Variants in MYO6 observed in about 807,000 individuals in gnomAD.
The protein encoded by MYO6 is myosin VI, also known as unconventional myosin-VI.
Under a neutral mutation model 178.7 loss-of-function variants are expected in MYO6, and 74 were observed. The ratio of observed to expected loss-of-function variants is 0.41; its 90% CI spans 0.34 to 0.50. The LOEUF is 0.50. MYO6 is among the 20% of genes least tolerant of loss of function. MYO6 has a pLI of 0.09. For synonymous variants in MYO6, 477 were observed against 504.6 expected, an observed-to-expected ratio of 0.95 and a Z score of 0.73; for missense variants, 1,330 against 1,547.4, an observed-to-expected ratio of 0.86 and a Z score of 2.36.
At chr6:75,831,327 C>T (rs770650071) in intron 5 of MYO6, among the ~76,000 whole-genome samples, 49 of 152,166 alleles carry the variant, frequency 3.2e-4, no homozygotes, top group Non-Finnish European at 6.2e-4. Context: ...AACCAGAGTT[C>T]ACTTCCAGAT....
At position 75,917,466 on chromosome 6, in the gene MYO6, A is replaced by G. The variant is rs1421188153; in HGVS notation, c.*2454A>G. On this transcript the variant is annotated 3_prime_UTR_variant, in exon 35 of 35. Transcript: ENST00000369977. ...ATATGTATTATGAGTTATGGGAACT[A>G]ATTGAGAAAAGGAAGTTACTCTAAT... 6.6e-6 allele frequency: 1 copy of G among 152,464 alleles called. No homozygotes were observed. Among genetic ancestry groups the G allele is most frequent in the Non-Finnish European group, 1.5e-5 (1 of 68,034 alleles). 9.4% of individuals were successfully genotyped at this position (152,464 alleles called of 1,614,324 possible).
rs73751031 is a variant in MYO6 at position 75,846,677 on chromosome 6, C to T, written c.898-1674C>T. On this transcript the variant is annotated intron_variant, in intron 10 of 34. Coordinates refer to ENST00000369977, the MANE Select transcript of MYO6 (RefSeq NM_004999.4). ...GATATCAAAATATAGTAGCTATATT[C>T]CTTTCACTAAGATAATGGAGACCTT... Among the ~76,000 whole-genome samples, 263 of 152,086 alleles carry T rather than the reference C, an allele frequency of 1.7e-3. 1 individual carries two copies. The highest frequency in any genetic ancestry group is 6.0e-3 in the African/African-American group (248 of 41,530).
chr6:75,878,684 T>A (rs1001842860), intron 20 of MYO6, among the ~76,000 whole-genome samples: 1 of 152,224 alleles, frequency 6.6e-6, no homozygotes, highest in African/African-American at 2.4e-5. Context: ...AGGAATTTAT[T>A]TTGGTGTAAG....
chr6:75,810,590 C>T (rs987177375), intron 1 of MYO6, among the ~76,000 whole-genome samples: 5 of 152,152 alleles, frequency 3.3e-5, no homozygotes, highest in African/African-American at 9.7e-5. Flanking sequence ...TCTGGGTTTC[C>T]CCCATCCAAG....
rs375754710 is a variant in MYO6, at chr6:75,848,419, G to T, written c.966G>T (p.Thr322=). The T allele has an allele frequency of 3.1e-6, 5 of 1,613,562 alleles. No homozygotes were observed. Among genetic ancestry groups the T allele is most frequent in the Non-Finnish European group, 4.2e-6 (5 of 1,179,774 alleles). Residue 322 remains threonine, a synonymous_variant, in exon 11 of 35, where the codon ACG becomes ACT. Transcript: ENST00000369977. ...DDHGDFIRMC[T]AMKKIGLDDE... is the part of the protein sequence containing the mutation. ...ATGGTGATTTTATTAGAATGTGCAC[G>T]GCTATGAAAAAAATTGGTTTGGATG...
At chr6:75,819,574 A>C (rs1280918026) in intron 2 of MYO6, among the ~76,000 whole-genome samples, 1 of 152,182 alleles carries the variant, frequency 6.6e-6, no homozygotes, top group Admixed American at 6.5e-5. Flanking sequence ...AGTAAAATAG[A>C]TTTCACATTG....
At position 75,907,606 on chromosome 6, in the gene MYO6, G is replaced by A. The variant is rs1562313932; in HGVS notation, c.3178G>A (p.Gly1060Ser). The A allele has an allele frequency of 2.5e-6, 4 of 1,609,288 alleles. No homozygotes were observed. The highest frequency in any genetic ancestry group is 3.4e-6 in the Non-Finnish European group (4 of 1,176,012). Reference protein sequence around the residue: ...AKEMSEFLSRGPAVLATKAAA... With the variant: ...AKEMSEFLSRSPAVLATKAAA... ...TGCAAAAATGTGTAATAATTACAGA[G>A]GTCCTGCTGTACTAGCCACCAAAGC... is the stretch of plus-strand genomic sequence containing the variant. Residue 1060 changes from glycine (G) to serine (S), a missense_variant and splice_region_variant, in exon 31 of 35, where the codon GGT (glycine) becomes AGT (serine). By Grantham distance (56) the Gly-to-Ser change is moderately conservative. Coordinates refer to ENST00000369977, the MANE Select transcript of MYO6 (RefSeq NM_004999.4).
intron 2 of MYO6, among the ~76,000 whole-genome samples, chr6:75,820,570 C>A (rs540095024): frequency 6.6e-6 from 1 of 152,058 alleles, no homozygotes; most frequent in Admixed American, 6.6e-5. Flanking sequence ...GGGGTTTCAT[C>A]ATGTTGGCCA....
chr6:75,903,757 T>G (rs571380774), intron 30 of MYO6, among the ~76,000 whole-genome samples: 1 of 152,286 alleles, frequency 6.6e-6, no homozygotes, highest in East Asian at 1.9e-4. Context: ...TCTGTGAATT[T>G]GATCCTGTCA....
rs199699596 is a variant in MYO6 at position 75,914,968 on chromosome 6, C to T, written c.3814C>T (p.Arg1272Trp). Reference protein sequence around the residue: ...LQNAIESRQARPTYATAMLQS... With the variant: ...LQNAIESRQAWPTYATAMLQS... ...GAATGCGATTGAGAGCAGACAGGCTCGGCCCACCTATGCAACAGCCATGCT... is the reference window on the plus strand; with the variant it reads ...GAATGCGATTGAGAGCAGACAGGCTTGGCCCACCTATGCAACAGCCATGCT... The change falls in exon 35 of 35, where the codon CGG becomes TGG. Residue 1272 changes from arginine (R) to tryptophan (W), a missense_variant. Arg to Trp is a moderately radical substitution (Grantham distance 101). This residue lies in a region of MYO6 where 601 missense variants were observed against 626.1 expected (regional missense o/e 0.96). Coordinates refer to ENST00000369977, the MANE Select transcript of MYO6 (RefSeq NM_004999.4). The T allele has an allele frequency of 4.6e-5, 74 of 1,613,832 alleles. No individual in the cohort carries two copies. In the East Asian group the frequency reaches 1.1e-3, roughly 24 times the overall value.
At position 75,902,908 on chromosome 6, in the gene MYO6, A is replaced by C. The variant is rs1259388941; in HGVS notation, c.3176+4497A>C. On this transcript the variant is annotated intron_variant, in intron 30 of 34. Coordinates refer to ENST00000369977, the MANE Select transcript of MYO6 (RefSeq NM_004999.4). ...ACACACTGCGTTGAATGCGTCCCAG[A>C]GATTCTGGTATGTTGTGTCTTTGTT... 5.9e-5 allele frequency among the ~76,000 whole-genome samples: 9 copies of C among 151,654 alleles called. No individual in the cohort carries two copies. In the South Asian group the frequency reaches 1.5e-3, roughly 25 times the overall value.
intron 32 of MYO6, among the ~76,000 whole-genome samples, chr6:75,909,940 G>C (rs550786372): frequency 5.3e-5 from 8 of 152,132 alleles, no homozygotes; most frequent in Non-Finnish European, 1.0e-4. Flanking sequence ...TTGTTGCAAA[G>C]AATAGATTGA....
At chr6:75,787,742 ATATATATATATATATATATG>A (rs1562158722) in intron 1 of MYO6, among the ~76,000 whole-genome samples, 1 of 111,474 alleles carries the variant, frequency 9.0e-6, no homozygotes, top group Non-Finnish European at 1.8e-5. Flanking sequence ...ATATATATAT[ATATATATATATATATATATG>A]TATTTTTTTT....
At chr6:75,858,862 G>GATCTCATA in intron 13 of MYO6, 40 bp from the exon 14 acceptor site, 1 of 1,160,456 alleles carries the variant, frequency 8.6e-7, no homozygotes, top group Non-Finnish European at 1.3e-6. Flanking sequence ...ATATGAAGTT[G>GATCTCATA]ATCTCATAAT....
chr6:75,793,433 G>T (rs554412974), intron 1 of MYO6, among the ~76,000 whole-genome samples: 1 of 152,060 alleles, frequency 6.6e-6, no homozygotes, highest in South Asian at 2.1e-4. Flanking sequence ...GTGAAACCTT[G>T]TTTCTACTAA....
intron 8 of MYO6, 29 bp from the exon 9 acceptor site, chr6:75,841,185 A>G: frequency 1.2e-6 from 2 of 1,602,794 alleles, no homozygotes; most frequent in African/African-American, 2.7e-5. Flanking sequence ...AAATGCAAAA[A>G]TATATTTTCT....
intron 2 of MYO6, among the ~76,000 whole-genome samples, chr6:75,819,444 C>T (rs1771637188): frequency 1.3e-5 from 2 of 152,178 alleles, no homozygotes; most frequent in South Asian, 4.1e-4. Flanking sequence ...AAGGGGTGGA[C>T]TGGTCATGCA....
chr6:75,773,256 C>T lies in MYO6; in HGVS notation c.-48+23833C>T, dbSNP rs530167928. Among the ~76,000 whole-genome samples, 15 of 152,180 alleles carry T rather than the reference C, an allele frequency of 9.9e-5. No individual in the cohort carries two copies. The East Asian group carries it at 2.7e-3, about 27-fold the overall frequency. On this transcript the variant is annotated intron_variant, in intron 1 of 34. Transcript: ENST00000369977. Reference sequence around the variant, plus strand: ...AAAATAATGAGTATCCAATTATGATCAGTAGTAAATAAAAAGTGGAATGTT... The same window carrying T: ...AAAATAATGAGTATCCAATTATGATTAGTAGTAAATAAAAAGTGGAATGTT...
chr6:75,909,568 A>C (rs1780602368), intron 32 of MYO6, among the ~76,000 whole-genome samples: 1 of 152,220 alleles, frequency 6.6e-6, no homozygotes, highest in Non-Finnish European at 1.5e-5. Context: ...AAAGTAGAGT[A>C]GAAGAGATGT....
Sources: gnomAD v4.1 joint callset for allele counts (sites outside exome capture counted in the v4.1 genomes callset) on GRCh38, gnomAD v4.1.1 for gene constraint, gnomAD v4.1.1 regional missense constraint, MANE v1.5 for transcripts, NCBI Gene and HGNC (gene_info 2026-07-23, HGNC 2026-07-21) for gene names.